Variants in LHCGR observed in about 807,000 individuals in gnomAD.
LHCGR encodes lutropin-choriogonadotropic hormone receptor.
LHCGR carries 55 observed loss-of-function variants against 60.7 expected under a neutral mutation model. The observed-to-expected ratio is 0.91, with a 90% CI of 0.73 to 1.13. The LOEUF (loss-of-function observed/expected upper bound fraction) is 1.13. Among genes scored for constraint, LHCGR ranks in the 50% most tolerant of loss-of-function variants. LHCGR has a pLI of 0.00. For synonymous variants in LHCGR, 337 were observed against 316.5 expected (o/e 1.06, Z -0.69); for missense variants, 862 against 836.0 (o/e 1.03, Z -0.38).
chr2:48,737,869 C>T (rs908940416), intron 1 of LHCGR, among the ~76,000 whole-genome samples: 1 of 152,246 alleles, frequency 6.6e-6, no homozygotes, highest in Admixed American at 6.5e-5. Flanking sequence ...TCCAACCCCT[C>T]ACTTTACAGA....
Position 48,755,592 on chromosome 2 carries a change from T to C in LHCGR, c.80A>G (p.Glu27Gly). ...LQPPLPRALR[E>G]ALCPEPCNCV... is the part of the protein sequence containing the mutation. ...GTTGCAGGGCTCAGGGCAGAGCGCC[T>C]CGCGCAGCGCTCGTGGCAGCGGCGG... Residue 27 changes from glutamate to glycine, a missense_variant, in exon 1 of 11, where the codon GAG becomes GGG. Coordinates refer to ENST00000294954, the MANE Select transcript of LHCGR (RefSeq NM_000233.4). The C allele has an allele frequency of 6.5e-7, 1 of 1,538,170 alleles. No individual in the cohort carries two copies.
chr2:48,708,886 AC>A, intron 8 of LHCGR, 61 bp downstream of exon 8: 1 of 1,253,514 alleles, frequency 8.0e-7, no homozygotes, highest in Non-Finnish European at 1.2e-6. Flanking sequence ...GTGGAGGGAC[AC>A]CCTAAGCAGT....
chr2:48,699,266 C>T (rs1185112894), intron 8 of LHCGR, among the ~76,000 whole-genome samples: 1 of 152,100 alleles, frequency 6.6e-6, no homozygotes, highest in Non-Finnish European at 1.5e-5. Flanking sequence ...TTCAGAAAAG[C>T]GAGTCTGTAT....
intron 7 of LHCGR, among the ~76,000 whole-genome samples, chr2:48,710,756 C>T (rs1043561244): frequency 2.0e-5 from 3 of 152,196 alleles, no homozygotes; most frequent in Non-Finnish European, 2.9e-5. Context: ...CCTGTGCTGC[C>T]TTAGTAAGTC....
At chr2:48,754,208 A>G (rs1027265904) in intron 1 of LHCGR, among the ~76,000 whole-genome samples, 12 of 152,204 alleles carry the variant, frequency 7.9e-5, no homozygotes, top group African/African-American at 1.4e-4. Flanking sequence ...CTTTAACTGT[A>G]TCTCTCAACC....
chr2:48,751,626 T>C (rs72820994), intron 1 of LHCGR, among the ~76,000 whole-genome samples: 18,492 of 152,284 alleles, frequency 0.12, 1,495 homozygotes, highest in South Asian at 0.31. Flanking sequence ...CACTGAACAC[T>C]GTTTTGGACC....
At chr2:48,715,083 G>GCT (rs1428942620) in intron 6 of LHCGR, among the ~76,000 whole-genome samples, 1 of 151,942 alleles carries the variant, frequency 6.6e-6, no homozygotes, top group African/African-American at 2.4e-5. Context: ...GTTCTCAGTG[G>GCT]GGCCTTTACT....
chr2:48,747,078 A>T (rs941524408), intron 1 of LHCGR, among the ~76,000 whole-genome samples: 1 of 148,012 alleles, frequency 6.8e-6, no homozygotes, highest in East Asian at 2.0e-4. Context: ...ATTTATTATT[A>T]TTTTTTCTTT....
chr2:48,697,229 A>G (rs946751848), intron 9 of LHCGR, among the ~76,000 whole-genome samples: 1 of 151,904 alleles, frequency 6.6e-6, no homozygotes, highest in African/African-American at 2.4e-5. Flanking sequence ...TGTCTAGACA[A>G]CTCCTGCCTG....
intron 10 of LHCGR, among the ~76,000 whole-genome samples, chr2:48,691,845 CAAAAAA>C (rs60937994): frequency 1.1e-5 from 1 of 88,376 alleles, no homozygotes; most frequent in African/African-American, 3.4e-5. Flanking sequence ...GATTCTGTCT[CAAAAAA>C]AAAAAAAAAA....
At chr2:48,711,295 A>G (rs1667978212) in intron 7 of LHCGR, among the ~76,000 whole-genome samples, 2 of 152,006 alleles carry the variant, frequency 1.3e-5, no homozygotes, top group Non-Finnish European at 2.9e-5. Context: ...TAATAATTTT[A>G]TCTGTTATTT....
At position 48,738,846 on chromosome 2, in the gene LHCGR, T is replaced by C. The variant is rs78393035; in HGVS notation, c.162-7548A>G. On this transcript the variant is annotated intron_variant, in intron 1 of 10. Transcript: ENST00000294954. ...TTTATACATACTAGACTAAATTAAA[T>C]GTTTTATTCAAGTTAATTTCACATT... 3.6e-3 allele frequency among the ~76,000 whole-genome samples: 548 copies of C among 152,400 alleles called. 2 individuals carry two copies. The highest frequency in any genetic ancestry group is 0.013 in the African/African-American group (526 of 41,602).
Position 48,687,311 on chromosome 2 carries a change from A to C in LHCGR, c.*386T>G, listed in dbSNP as rs1679940974. 5.5e-6 allele frequency: 1 copy of C among 182,358 alleles called. No individual in the cohort carries two copies. The highest frequency in any genetic ancestry group is 2.4e-5 in the African/African-American group (1 of 41,924). 11.3% of individuals were successfully genotyped at this position (182,358 alleles called of 1,614,324 possible). ...GTGTTTTTCAAACTACCTGAGGAAA[A>C]AGGCCAGTTATTTTAAATTTCTGAT... On this transcript the variant is annotated 3_prime_UTR_variant, in exon 11 of 11. Coordinates refer to ENST00000294954, the MANE Select transcript of LHCGR (RefSeq NM_000233.4).
At chr2:48,734,914 C>T (rs757028063) in intron 1 of LHCGR, among the ~76,000 whole-genome samples, 3 of 152,244 alleles carry the variant, frequency 2.0e-5, no homozygotes, top group Non-Finnish European at 4.4e-5. Context: ...TGAGGTTGAA[C>T]TTGCAGGGTG....
At chr2:48,747,140 AG>A (rs2103720500) in intron 1 of LHCGR, among the ~76,000 whole-genome samples, 1 of 150,508 alleles carries the variant, frequency 6.6e-6, no homozygotes, top group South Asian at 2.1e-4. Flanking sequence ...CAGAGGCTGG[AG>A]GGCAGTGGTG....
chr2:48,712,087 T>G (rs1227069799), intron 7 of LHCGR, among the ~76,000 whole-genome samples: 1 of 151,836 alleles, frequency 6.6e-6, no homozygotes, highest in Non-Finnish European at 1.5e-5. Context: ...GGAAGGCATT[T>G]TTCCTCTCTT....
In LHCGR at chr2:48,709,079, A is replaced by G. The variant is rs1667850620; in HGVS notation, c.606-57T>C. Reference sequence around the variant, plus strand: ...TTGTACCTCATGTGTAAGCATTCGTAGCTCCATATACACATGTTTAGACCA... The same window carrying G: ...TTGTACCTCATGTGTAAGCATTCGTGGCTCCATATACACATGTTTAGACCA... On this transcript the variant is annotated intron_variant, in intron 7 of 10. Coordinates refer to ENST00000294954, the MANE Select transcript of LHCGR (RefSeq NM_000233.4). 1.1e-5 allele frequency: 15 copies of G among 1,342,648 alleles called. No homozygotes were observed. In the South Asian group the frequency reaches 1.7e-4, roughly 16 times the overall value. The allele number at this position is 1,342,648 out of a possible 1,614,324, so 83.2% of individuals were successfully genotyped here.
At chr2:48,735,025 T>A (rs890764706) in intron 1 of LHCGR, among the ~76,000 whole-genome samples, 5 of 152,228 alleles carry the variant, frequency 3.3e-5, no homozygotes, top group Non-Finnish European at 7.3e-5. Context: ...TTTTGCAGTT[T>A]TGAACTTTTG....
chr2:48,722,006 T>C (rs925020691), intron 6 of LHCGR, among the ~76,000 whole-genome samples: 5 of 152,076 alleles, frequency 3.3e-5, no homozygotes, highest in Non-Finnish European at 5.9e-5. Context: ...AAAAATTAGC[T>C]GGGTGTGGTG....
Sources: allele counts gnomAD v4.1 joint callset (sites outside exome capture counted in the v4.1 genomes callset), GRCh38; gene constraint gnomAD v4.1.1; transcripts MANE v1.5; gene names NCBI Gene and HGNC (gene_info 2026-07-23, HGNC 2026-07-21).